Variants in PDXDC1 observed in about 807,000 individuals in gnomAD.
PDXDC1 encodes pyridoxal dependent decarboxylase domain containing 1.
A neutral mutation model predicts 100.1 loss-of-function variants in PDXDC1; 42 were observed. That is an observed-to-expected ratio of 0.42 (90% CI 0.33 to 0.54). The LOEUF (loss-of-function observed/expected upper bound fraction) is 0.54, where lower values mean the gene tolerates loss of function less well. Among genes scored for constraint, PDXDC1 ranks in the 20% least tolerant of loss-of-function variants. PDXDC1 has a pLI of 0.10. For missense variants in PDXDC1, 636 were observed against 979.2 expected (o/e 0.65, Z 4.68); for synonymous variants, 260 against 371.7 (o/e 0.70, Z 3.46).
At chr16:15,146,626 A>G in the PDXDC1 span, among the ~76,000 whole-genome samples, 8 of 152,230 alleles carry the variant, frequency 5.3e-5, no homozygotes, top group South Asian at 8.3e-4. Context: ...TGAGGGGTCC[A>G]TAAGAGTCCA....
At chr16:15,117,483 C>A (rs2047275368) in intron 16 of PDXDC1, among the ~76,000 whole-genome samples, 1 of 150,232 alleles carries the variant, frequency 6.7e-6, no homozygotes, top group African/African-American at 2.5e-5. Flanking sequence ...ATGGTGAAAC[C>A]CAGTCTCTAC....
At chr16:15,081,462 G>C (rs937212806) in intron 16 of PDXDC1, among the ~76,000 whole-genome samples, 1 of 152,106 alleles carries the variant, frequency 6.6e-6, no homozygotes, top group Non-Finnish European at 1.5e-5. Flanking sequence ...TAATGATGTT[G>C]AGCTTCTTTT....
At chr16:15,082,680 G>GA (rs1026076763) in intron 16 of PDXDC1, among the ~76,000 whole-genome samples, 168 of 141,108 alleles carry the variant, frequency 1.2e-3, no homozygotes, top group Middle Eastern at 3.8e-3. Context: ...CCCCACCCCT[G>GA]AAAAAAAAAA....
At chr16:15,009,150 G>T (rs999892260) in intron 7 of PDXDC1, among the ~76,000 whole-genome samples, 1 of 152,296 alleles carries the variant, frequency 6.6e-6, no homozygotes, top group African/African-American at 2.4e-5. Flanking sequence ...CTTTTAATGA[G>T]TTAGCACTGT....
chr16:15,055,899 G>C, intron 16 of PDXDC1: 1 of 1,230,414 alleles, frequency 8.1e-7, no homozygotes, highest in East Asian at 3.2e-5. Context: ...ACCTCCAAAG[G>C]CGGGTGGGCT....
At chr16:15,130,424 C>A in intron 16 of PDXDC1, 1 of 1,512,840 alleles carries the variant, frequency 6.6e-7, no homozygotes, top group Non-Finnish European at 9.1e-7. Flanking sequence ...TGGAGAGGTT[C>A]AGACGGTAAC....
chr16:15,125,769 C>A, intron 16 of PDXDC1: 4 of 1,522,058 alleles, frequency 2.6e-6, no homozygotes, highest in Non-Finnish European at 2.7e-6. Flanking sequence ...TGTCCAGCAC[C>A]TGCTGCCCGG....
At position 15,031,773 on chromosome 16, in the gene PDXDC1, G is replaced by A. The variant is rs755523075; in HGVS notation, c.1438G>A (p.Ala480Thr). The change falls in exon 17 of 23, where the codon GCC becomes ACC. Residue 480 changes from alanine (A) to threonine (T), a missense_variant. Around this residue, in one of 4 missense-constraint regions of PDXDC1, gnomAD observed 452 missense variants for 402.9 expected, o/e 1.12. Transcript: ENST00000396410. ...GGGAGAGGATGTGGATCAGCTCGTAGCCTGCATAGAAAGCAAACTGCCAGT... is the reference window on the plus strand; with the variant it reads ...GGGAGAGGATGTGGATCAGCTCGTAACCTGCATAGAAAGCAAACTGCCAGT... ...TRGEDVDQLV[A>T]CIESKLPVLC... is the part of the protein sequence containing the mutation. 4 of 1,613,962 alleles carry A rather than the reference G, an allele frequency of 2.5e-6. No homozygotes were observed. The highest frequency in any genetic ancestry group is 1.7e-5 in the Admixed American group (1 of 60,008).
At chr16:15,130,382 G>C in intron 16 of PDXDC1, 1 of 1,577,350 alleles carries the variant, frequency 6.3e-7, no homozygotes, top group Non-Finnish European at 8.6e-7. Context: ...ACAGGCCCAC[G>C]GACACCTCCA....
At chr16:15,029,424 G>A (rs533535723) in intron 15 of PDXDC1, 7 of 380,910 alleles carry the variant, frequency 1.8e-5, no homozygotes, top group Non-Finnish European at 2.7e-5. Context: ...GGCAGCAGCA[G>A]TTCTAGCCAA....
intron 16 of PDXDC1, chr16:15,131,258 C>T (rs1346420127): frequency 4.8e-5 from 76 of 1,590,600 alleles, no homozygotes; most frequent in African/African-American, 3.1e-4. Flanking sequence ...ACGGTGATGG[C>T]GCGCTCTGAG....
At chr16:14,979,833 C>CT (rs1314642424) in intron 1 of PDXDC1, among the ~76,000 whole-genome samples, 6 of 152,412 alleles carry the variant, frequency 3.9e-5, no homozygotes, top group Non-Finnish European at 7.3e-5. Flanking sequence ...CCGAGAATTT[C>CT]TATTCCTGCT....
downstream of PDXDC1, among the ~76,000 whole-genome samples, chr16:15,043,299 G>C (rs557348150): frequency 6.6e-6 from 1 of 152,224 alleles, no homozygotes; most frequent in East Asian, 1.9e-4. Flanking sequence ...GCCTCCCAAA[G>C]TGCTGGGATT....
At chr16:15,094,204 C>G (rs1388502166) in intron 16 of PDXDC1, 44 of 1,598,842 alleles carry the variant, frequency 2.8e-5, no homozygotes, top group Non-Finnish European at 3.7e-5. Context: ...CATCTCCCGG[C>G]AAACGCGTGT....
chr16:14,994,690 G>A (rs984722820), intron 1 of PDXDC1, among the ~76,000 whole-genome samples: 5 of 152,296 alleles, frequency 3.3e-5, no homozygotes, highest in African/African-American at 1.2e-4. Context: ...GTCATTGGTA[G>A]GTTGATGGGG....
rs1479361189 is a variant in PDXDC1 at position 14,975,077 on chromosome 16, C to T, written c.-123C>T. The T allele has an allele frequency of 1.0e-5, 15 of 1,480,146 alleles. No homozygotes were observed. The highest frequency in any genetic ancestry group is 5.7e-5 in the African/African-American group (4 of 70,030). 91.7% of individuals were successfully genotyped at this position (1,480,146 alleles called of 1,614,324 possible). On this transcript the variant is annotated 5_prime_UTR_variant, in exon 1 of 23. Coordinates refer to ENST00000396410, the MANE Select transcript of PDXDC1 (RefSeq NM_015027.4). Reference sequence around the variant, plus strand: ...GCGGCGCCGCCTGGCAGCTCCTCCTCTTCTCCGCCCCGCCGGCCGCGGGCG... The same window carrying T: ...GCGGCGCCGCCTGGCAGCTCCTCCTTTTCTCCGCCCCGCCGGCCGCGGGCG...
chr16:15,050,305 A>C (rs1488573189), intron 16 of PDXDC1, among the ~76,000 whole-genome samples: 2 of 152,252 alleles, frequency 1.3e-5, no homozygotes, highest in African/African-American at 4.8e-5. Flanking sequence ...GGATGAACAA[A>C]ATCTTCCTCA....
Position 15,100,662 on chromosome 16 carries a change from C to G in PDXDC1, c.1400-38217C>G, listed in dbSNP as rs184105744. Among the ~76,000 whole-genome samples the G allele has an allele frequency of 8.5e-5, 13 of 152,296 alleles. No individual in the cohort carries two copies. In the East Asian group the frequency reaches 2.1e-3, roughly 25 times the overall value. The stretch of plus-strand genomic sequence containing the variant: ...TGCCAAATGTCCCTGGGGTACAAAA[C>G]TCTTCCAATTAAGAACCACTGGTAT... On this transcript the variant is annotated intron_variant, in intron 16 of 16. Coordinates refer to the PDXDC1 transcript ENST00000535621.
chr16:14,978,405 T>A (rs1461165171), intron 1 of PDXDC1, among the ~76,000 whole-genome samples: 2 of 152,304 alleles, frequency 1.3e-5, no homozygotes, highest in African/African-American at 2.4e-5. Context: ...TATTATTATT[T>A]TTGAGACAGG....
Sources: allele counts gnomAD v4.1 joint callset (sites outside exome capture counted in the v4.1 genomes callset), GRCh38; gene constraint gnomAD v4.1.1; regional missense constraint gnomAD v4.1.1; transcripts MANE v1.5; gene names NCBI Gene and HGNC (gene_info 2026-07-23, HGNC 2026-07-21).